LARGE1: variants seen among roughly 807,000 people sequenced by gnomAD.
The protein encoded by LARGE1 is LARGE xylosyl- and glucuronyltransferase 1.
LARGE1 carries 43 observed loss-of-function variants against 87.6 expected under a neutral mutation model. The ratio of observed to expected loss-of-function variants is 0.49; its 90% CI spans 0.38 to 0.63. The LOEUF (loss-of-function observed/expected upper bound fraction) is 0.63. LARGE1 is among the 30% of genes least tolerant of loss of function. The pLI is 0.00. For synonymous variants in LARGE1, 434 were observed against 394.6 expected (o/e 1.10, Z -1.18); for missense variants, 802 against 1,000.2 (o/e 0.80, Z 2.67).
rs374562934 is a variant in LARGE1, at chr22:33,443,700, A to G, written c.788-11435T>C. Reference sequence around the variant, plus strand: ...CCCCAACCCCCAAGATATCCCCAGCAGGCCCACATTAACTTAATTTACAGT... The same window carrying G: ...CCCCAACCCCCAAGATATCCCCAGCGGGCCCACATTAACTTAATTTACAGT... On this transcript the variant is annotated intron_variant, in intron 6 of 14. Coordinates refer to ENST00000397394, the MANE Select transcript of LARGE1 (RefSeq NM_133642.5). Among the ~76,000 whole-genome samples, 15 of 152,340 alleles carry G rather than the reference A, an allele frequency of 9.8e-5. No homozygotes were observed. The East Asian group carries it at 1.9e-3, about 20-fold the overall frequency.
the LARGE1 span, among the ~76,000 whole-genome samples, chr22:33,145,962 G>T: frequency 6.6e-6 from 1 of 152,162 alleles, no homozygotes; most frequent in Non-Finnish European, 1.5e-5. Context: ...AAAACAGGGA[G>T]AGAGAGGAAG....
intron 2 of LARGE1, among the ~76,000 whole-genome samples, chr22:33,651,116 C>T (rs2080789676): frequency 6.6e-6 from 1 of 151,296 alleles, no homozygotes; most frequent in South Asian, 2.1e-4. Context: ...GGCGCAGTGG[C>T]TCACGCCTGT....
intron 1 of LARGE1, among the ~76,000 whole-genome samples, chr22:33,810,482 A>G (rs1384202204): frequency 6.6e-6 from 1 of 152,210 alleles, no homozygotes; most frequent in Non-Finnish European, 1.5e-5. Flanking sequence ...AGCTCTGAGC[A>G]CATCAAGGTA....
chr22:33,865,731 C>T (rs1051788958), intron 1 of LARGE1, among the ~76,000 whole-genome samples: 2 of 147,394 alleles, frequency 1.4e-5, no homozygotes, highest in African/African-American at 5.0e-5. Flanking sequence ...AGGTATTTAA[C>T]TTCTGACTCT....
At chr22:33,633,531 C>G (rs1482131117) in intron 3 of LARGE1, among the ~76,000 whole-genome samples, 1 of 152,198 alleles carries the variant, frequency 6.6e-6, no homozygotes, top group Admixed American at 6.5e-5. Flanking sequence ...TCACACCAAA[C>G]TAAGGGATGC....
At chr22:33,308,479 G>A (rs567347533) in intron 11 of LARGE1, among the ~76,000 whole-genome samples, 31 of 152,294 alleles carry the variant, frequency 2.0e-4, no homozygotes, top group African/African-American at 7.2e-4. Flanking sequence ...GGATAATAAT[G>A]CCTTTGGTAG....
chr22:33,333,247 T>C (rs1315727819), intron 10 of LARGE1, among the ~76,000 whole-genome samples: 2 of 152,228 alleles, frequency 1.3e-5, no homozygotes, highest in East Asian at 3.9e-4. Context: ...CTCGATCTCC[T>C]GACCTCATGA....
Position 33,222,027 on chromosome 22 carries a change from C to T in LARGE1, c.1731-55195G>A, listed in dbSNP as rs182208915. The stretch of plus-strand genomic sequence containing the variant: ...TGGCTCTTTGCCATTTTTCTCCCTC[C>T]CTCTCTTTTCCTTCCTACCTCTTTC... On this transcript the variant is annotated intron_variant, in intron 11 of 11. Transcript: ENST00000608642. Among the ~76,000 whole-genome samples the T allele has an allele frequency of 2.9e-4, 44 of 152,284 alleles. No individual in the cohort carries two copies. The East Asian group carries it at 7.3e-3, about 25-fold the overall frequency.
At chr22:33,785,749 C>T (rs2085621218) in intron 1 of LARGE1, among the ~76,000 whole-genome samples, 1 of 152,112 alleles carries the variant, frequency 6.6e-6, no homozygotes, top group Non-Finnish European at 1.5e-5. Context: ...AGTTCATTAG[C>T]AGCTGATGAA....
intron 5 of LARGE1, among the ~76,000 whole-genome samples, chr22:33,582,044 T>C (rs1403573245): frequency 6.6e-6 from 1 of 152,168 alleles, no homozygotes; most frequent in African/African-American, 2.4e-5. Flanking sequence ...TCACCCCAAT[T>C]GTGTCAGTTT....
chr22:33,477,445 A>C (rs545790069), intron 6 of LARGE1, among the ~76,000 whole-genome samples: 1 of 152,316 alleles, frequency 6.6e-6, no homozygotes, highest in East Asian at 1.9e-4. Context: ...TGGGTTCAAC[A>C]AAAGATCAGG....
intron 12 of LARGE1, among the ~76,000 whole-genome samples, chr22:33,300,105 G>C (rs1933938589): frequency 6.6e-6 from 1 of 152,224 alleles, no homozygotes; most frequent in African/African-American, 2.4e-5. Context: ...GCCGAGGGCT[G>C]CCAGTCGGCC....
intron 11 of LARGE1, among the ~76,000 whole-genome samples, chr22:33,167,483 A>G (rs928411563): frequency 3.3e-5 from 5 of 152,212 alleles, no homozygotes; most frequent in African/African-American, 7.2e-5. Context: ...AGCAGTTTCT[A>G]TGGCTTAATA....
At chr22:33,394,702 CGTGTGTGTGTGTGTGTGT>C (rs59338001) in intron 7 of LARGE1, among the ~76,000 whole-genome samples, 17 of 142,426 alleles carry the variant, frequency 1.2e-4, no homozygotes, top group East Asian at 6.4e-4. Context: ...CTCCTGGGAG[CGTGTGTGTGTGTGTGTGT>C]GTGTGTGTGT....
intron 7 of LARGE1, among the ~76,000 whole-genome samples, chr22:33,422,903 C>G (rs187106040): frequency 6.6e-6 from 1 of 152,240 alleles, no homozygotes; most frequent in Non-Finnish European, 1.5e-5. Flanking sequence ...CACCTAAACA[C>G]TGGGGATTAC....
intron 6 of LARGE1, among the ~76,000 whole-genome samples, chr22:33,508,209 C>T (rs1403991250): frequency 6.6e-6 from 1 of 152,118 alleles, no homozygotes; most frequent in Admixed American, 6.6e-5. Flanking sequence ...GGTGCTAGAT[C>T]CCACCCTGCT....
chr22:33,325,463 G>A (rs571118018), intron 10 of LARGE1, among the ~76,000 whole-genome samples: 1 of 152,350 alleles, frequency 6.6e-6, no homozygotes, highest in African/African-American at 2.4e-5. Flanking sequence ...AGAGCAGGCT[G>A]GGGTTCTGTG....
At chr22:33,822,173 C>CT in intron 1 of LARGE1, among the ~76,000 whole-genome samples, 1 of 152,228 alleles carries the variant, frequency 6.6e-6, no homozygotes, top group Admixed American at 6.5e-5. Context: ...TATGTGTGCC[C>CT]TTGGGAGCTA....
chr22:33,326,481 C>T (rs1268827821), intron 10 of LARGE1, among the ~76,000 whole-genome samples: 1 of 152,200 alleles, frequency 6.6e-6, no homozygotes, highest in East Asian at 1.9e-4. Context: ...TTCTAAGCTC[C>T]TGGCCCTGTC....
Sources: allele counts gnomAD v4.1 joint callset (sites outside exome capture counted in the v4.1 genomes callset), GRCh38; gene constraint gnomAD v4.1.1; transcripts MANE v1.5; gene names NCBI Gene and HGNC (gene_info 2026-07-23, HGNC 2026-07-21).